Variants in HLA-DOA observed in about 807,000 individuals in gnomAD.
HLA-DOA encodes major histocompatibility complex, class II, DO alpha.
HLA-DOA carries 27 observed loss-of-function variants against 22.9 expected under a neutral mutation model. That is an observed-to-expected ratio of 1.18 (90% CI 0.87 to 1.62). The LOEUF (loss-of-function observed/expected upper bound fraction) is 1.62, where lower values mean the gene tolerates loss of function less well. HLA-DOA is among the 40% of genes most tolerant of loss of function. The pLI, the probability that HLA-DOA is intolerant of heterozygous loss-of-function variation, is 0.00. For synonymous variants in HLA-DOA, 137 were observed against 138.6 expected (o/e 0.99, Z 0.08); for missense variants, 324 against 332.4 (o/e 0.97, Z 0.20).
rs376677525 is a variant in HLA-DOA, at chr6:33,007,306, C to A, written c.613+5G>T. 1.7e-5 allele frequency: 27 copies of A among 1,612,882 alleles called. No homozygotes were observed. In the Admixed American group the frequency reaches 4.5e-4, roughly 27 times the overall value. ...AGGAGGGTGCATGGGGAGGGGGCTC[C>A]GTACCCCAATGCCTGAGGAGTGGCG... On this transcript the variant is annotated splice_donor_5th_base_variant and intron_variant, in intron 3 of 4. Transcript: ENST00000229829.
rs767353401 is a variant in HLA-DOA at position 33,007,177 on chromosome 6, T to C, written c.652A>G (p.Thr218Ala). 6.2e-7 allele frequency: 1 copy of C among 1,613,412 alleles called. No individual in the cohort carries two copies. Among genetic ancestry groups the C allele is most frequent in the Non-Finnish European group, 8.5e-7 (1 of 1,179,936 alleles). Residue 218 changes from threonine to alanine, a missense_variant, in exon 4 of 5, where the codon ACC becomes GCC. By Grantham distance (58) the Thr-to-Ala change is moderately conservative (BLOSUM62 0). Coordinates refer to ENST00000229829, the MANE Select transcript of HLA-DOA (RefSeq NM_002119.4). ...GCCAGGCCCAGGGCACAGACCAGGG[T>C]CTCCATGGCATCTGGTGGTGGAATA... The part of the protein sequence containing the change: ...VPIPPPDAME[T>A]LVCALGLAIG...
At position 33,005,934 on chromosome 6, in the gene HLA-DOA, G is replaced by A. The variant is rs1484379428; in HGVS notation, c.*904C>T. ...GCAGTTCTTATGTGCATTCTGGTTT[G>A]AAAACCGTAATCTGTATTGCTCATT... On this transcript the variant is annotated 3_prime_UTR_variant, in exon 5 of 5. Transcript: ENST00000229829. The A allele has an allele frequency of 1.3e-5, 2 of 152,232 alleles. No homozygotes were observed. The highest frequency in any genetic ancestry group is 1.5e-5 in the Non-Finnish European group (1 of 68,048). The allele number at this position is 152,232 out of a possible 1,614,324, so 9.4% of individuals were successfully genotyped here.
chr6:33,007,393 C>A lies in HLA-DOA; in HGVS notation c.531G>T (p.Leu177=). The part of the protein sequence containing the change: ...PDHLFRKFHY[L]PFVPSAEDVY... ...CGTCCTCGGCTGAGGGCACGAAGGG[C>A]AGGTAGTGGAACTTGCGGAACAAAT... Residue 177 remains leucine, a synonymous_variant, in exon 3 of 5, where the codon CTG becomes CTT. Transcript: ENST00000229829. 2 of 1,604,818 alleles carry A rather than the reference C, an allele frequency of 1.2e-6. No individual in the cohort carries two copies. The highest frequency in any genetic ancestry group is 1.1e-5 in the South Asian group (1 of 89,868).
Position 33,009,022 on chromosome 6 carries a change from T to C in HLA-DOA, c.82+433A>G, listed in dbSNP as rs1780949006. Among the ~76,000 whole-genome samples the C allele has an allele frequency of 6.6e-6, 1 of 152,188 alleles. No homozygotes were observed. The highest frequency in any genetic ancestry group is 1.5e-5 in the Non-Finnish European group (1 of 68,038). ...AAAGAAAAAAAAGATGAACCATCTG[T>C]AGACCCGCACCCCAGCTCATGTCTC... On this transcript the variant is annotated intron_variant, in intron 1 of 4. Coordinates refer to ENST00000229829, the MANE Select transcript of HLA-DOA (RefSeq NM_002119.4). This position sits in a 1 kb window ranked among gnomAD's most constrained non-coding sequence, Gnocchi z 4.8.
chr6:33,007,910 C>G (rs552464180), intron 2 of HLA-DOA, 103 bp downstream of exon 2: 2 of 1,409,474 alleles, frequency 1.4e-6, no homozygotes, highest in South Asian at 2.8e-5. Flanking sequence ...ATGACAGGCG[C>G]GGGCGCTGAG....
Position 33,008,111 on chromosome 6 carries a change from G to T in HLA-DOA, c.233C>A (p.Ala78Asp), listed in dbSNP as rs1406650178. The T allele has an allele frequency of 4.3e-6, 7 of 1,613,090 alleles. No individual in the cohort carries two copies. The highest frequency in any genetic ancestry group is 1.1e-5 in the South Asian group (1 of 91,090). The change falls in exon 2 of 5, where the codon GCC becomes GAC. Residue 78 changes from alanine to aspartate, a missense_variant. Coordinates refer to ENST00000229829, the MANE Select transcript of HLA-DOA (RefSeq NM_002119.4). ...VWRLPEFGDF[A>D]RFDPQGGLAG... Reference sequence around the variant, plus strand: ...CAGCCCGCCCTGCGGGTCAAAGCGGGCAAAGTCACCAAACTCAGGCAGACG... The same window carrying T: ...CAGCCCGCCCTGCGGGTCAAAGCGGTCAAAGTCACCAAACTCAGGCAGACG...
chr6:33,007,342 C>G lies in HLA-DOA; in HGVS notation c.582G>C (p.Trp194Cys). Residue 194 changes from tryptophan to cysteine, a missense_variant, in exon 3 of 5, where the codon TGG (tryptophan) becomes TGC (cysteine). Transcript: ENST00000229829. The stretch of plus-strand genomic sequence containing the variant: ...GCCTGAGGAGTGGCGCATCCAGGCC[C>G]CAGTGCTCCACCTGGCAGTCATAGA... The part of the protein sequence containing the change: ...EDVYDCQVEH[W>C]GLDAPLLRHW... 6.2e-7 allele frequency: 1 copy of G among 1,611,514 alleles called. No homozygotes were observed. The highest frequency in any genetic ancestry group is 1.1e-5 in the South Asian group (1 of 90,984).
chr6:33,006,554 A>T lies in HLA-DOA; in HGVS notation c.*284T>A. 3 of 588,912 alleles carry T rather than the reference A, an allele frequency of 5.1e-6. No individual in the cohort carries two copies. In the South Asian group the frequency reaches 6.1e-5, roughly 12 times the overall value. The allele number at this position is 588,912 out of a possible 1,614,324, so 36.5% of individuals were successfully genotyped here. ...AAGAACTGGCCAAGGCCTGGAAAGG[A>T]CACAGTGCAAACACCACCAAAGCAT... On this transcript the variant is annotated 3_prime_UTR_variant, in exon 5 of 5. Coordinates refer to ENST00000229829, the MANE Select transcript of HLA-DOA (RefSeq NM_002119.4).
intron 1 of HLA-DOA, chr6:33,008,466 G>A (rs1463228450): frequency 3.0e-6 from 4 of 1,354,030 alleles, no homozygotes; most frequent in African/African-American, 1.5e-5. Context: ...CACTGCAGTC[G>A]GCACAGAGAC....
rs771959094 is a variant in HLA-DOA at position 33,006,748 on chromosome 6, A to C, written c.*90T>G. ...ACTCAAAGTCAGCACAGCGGGATGC[A>C]CTTAAAGGGCACTGAGCACGCAGGG... On this transcript the variant is annotated 3_prime_UTR_variant, in exon 5 of 5. Transcript: ENST00000229829. 30 of 1,610,394 alleles carry C rather than the reference A, an allele frequency of 1.9e-5. No individual in the cohort carries two copies. The highest frequency in any genetic ancestry group is 2.3e-5 in the Non-Finnish European group (27 of 1,177,616).
In HLA-DOA at chr6:33,007,400, T is replaced by G. The variant is rs529749974; in HGVS notation, c.524A>C (p.His175Pro). 6.2e-7 allele frequency: 1 copy of G among 1,604,846 alleles called. No individual in the cohort carries two copies. The highest frequency in any genetic ancestry group is 8.5e-7 in the Non-Finnish European group (1 of 1,175,020). ...GGCTGAGGGCACGAAGGGCAGGTAG[T>G]GGAACTTGCGGAACAAATGGTCAGG... ...SQPDHLFRKF[H>P]YLPFVPSAED... is the part of the protein sequence containing the mutation. Residue 175 changes from histidine (H) to proline (P), a missense_variant, in exon 3 of 5, where the codon CAC (histidine) becomes CCC (proline). Physicochemically the swap from His to Pro is moderately conservative, Grantham distance 77. Coordinates refer to ENST00000229829, the MANE Select transcript of HLA-DOA (RefSeq NM_002119.4).
chr6:33,009,548 G>A lies in HLA-DOA; in HGVS notation c.-12C>T, dbSNP rs140784848. ...GCTCTGAGGGCCATTACACTCTGGT[G>A]CTTTAATCAAATCAGTCTCAGTCCG... On this transcript the variant is annotated 5_prime_UTR_variant, in exon 1 of 5. Transcript: ENST00000229829. The surrounding 1 kb of genome is among the most constrained non-coding windows in gnomAD (Gnocchi z 4.8). 3.7e-5 allele frequency: 58 copies of A among 1,585,200 alleles called. No individual in the cohort carries two copies. The African/African-American group carries it at 6.4e-4, about 18-fold the overall frequency.
Position 33,007,748 on chromosome 6 carries a change from G to A in HLA-DOA, c.332-156C>T. Reference sequence around the variant, plus strand: ...AGGAGAGGAGGAAAACAGAGGGAGAGGAGACTGGGGAGGGAGTGGGGACGC... The same window carrying A: ...AGGAGAGGAGGAAAACAGAGGGAGAAGAGACTGGGGAGGGAGTGGGGACGC... On this transcript the variant is annotated intron_variant, in intron 2 of 4. Transcript: ENST00000229829. 7.7e-6 allele frequency: 7 copies of A among 907,868 alleles called. No individual in the cohort carries two copies. The Middle Eastern group carries it at 1.4e-3, about 179-fold the overall frequency. The allele number at this position is 907,868 out of a possible 1,614,324, so 56.2% of individuals were successfully genotyped here. A position where few individuals can be genotyped will look rare whatever the true frequency, so the allele number is the denominator to read the frequency against.
In HLA-DOA at chr6:33,009,532, G is replaced by A. The variant is rs750371793; in HGVS notation, c.5C>T (p.Ala2Val). Residue 2 changes from alanine (A) to valine (V), a missense_variant, in exon 1 of 5, where the codon GCC (alanine) becomes GTC (valine). Coordinates refer to ENST00000229829, the MANE Select transcript of HLA-DOA (RefSeq NM_002119.4). The surrounding 1 kb of genome is among the most constrained non-coding windows in gnomAD (Gnocchi z 4.8). M[A>V]LRAGLVLGFH... ...CCCCAGGACCAGCCCTGCTCTGAGGGCCATTACACTCTGGTGCTTTAATCA... is the reference window on the plus strand; with the variant it reads ...CCCCAGGACCAGCCCTGCTCTGAGGACCATTACACTCTGGTGCTTTAATCA... 2 of 1,601,104 alleles carry A rather than the reference G, an allele frequency of 1.2e-6. No individual in the cohort carries two copies. The highest frequency in any genetic ancestry group is 1.7e-6 in the Non-Finnish European group (2 of 1,175,016).
rs1326582638 is a variant in HLA-DOA at position 33,009,562 on chromosome 6, A to G, written c.-26T>C. On this transcript the variant is annotated 5_prime_UTR_variant, in exon 1 of 5. Coordinates refer to ENST00000229829, the MANE Select transcript of HLA-DOA (RefSeq NM_002119.4). The surrounding 1 kb of genome is among the most constrained non-coding windows in gnomAD (Gnocchi z 4.8). ...TACACTCTGGTGCTTTAATCAAATC[A>G]GTCTCAGTCCGTGTGGTGAGGACAG... 1.3e-6 allele frequency: 2 copies of G among 1,548,542 alleles called. No individual in the cohort carries two copies.
In HLA-DOA at chr6:33,005,889, T is replaced by C. The variant is rs1780789968; in HGVS notation, c.*949A>G. ...AGCCACTGCACCAGGCCAATGCCTG[T>C]ACTTTTAAAAGGATCCCAAGCAGTT... On this transcript the variant is annotated 3_prime_UTR_variant, in exon 5 of 5. Transcript: ENST00000229829. 1 of 152,256 alleles carries C rather than the reference T, an allele frequency of 6.6e-6. No homozygotes were observed. Among genetic ancestry groups the C allele is most frequent in the Non-Finnish European group, 1.5e-5 (1 of 68,072 alleles). The allele number at this position is 152,256 out of a possible 1,614,324, so 9.4% of individuals were successfully genotyped here. A position where few individuals can be genotyped will look rare whatever the true frequency, so the allele number is the denominator to read the frequency against.
rs1303697801 is a variant in HLA-DOA at position 33,007,667 on chromosome 6, G to A, written c.332-75C>T. 14 of 1,500,474 alleles carry A rather than the reference G, an allele frequency of 9.3e-6. No individual in the cohort carries two copies. The East Asian group carries it at 1.1e-4, about 12-fold the overall frequency. The allele number at this position is 1,500,474 out of a possible 1,614,324, so 92.9% of individuals were successfully genotyped here. On this transcript the variant is annotated intron_variant, in intron 2 of 4. Coordinates refer to ENST00000229829, the MANE Select transcript of HLA-DOA (RefSeq NM_002119.4). ...CTTACTAGGACTGGGATTAAGGGAC[G>A]TTCCCCCTTTGTAGCCATCTGTGGG...
rs770569065 is a variant in HLA-DOA, at chr6:33,007,430, G to A, written c.494C>T (p.Ser165Phe). 7 of 1,609,068 alleles carry A rather than the reference G, an allele frequency of 4.4e-6. No individual in the cohort carries two copies. The highest frequency in any genetic ancestry group is 5.9e-6 in the Non-Finnish European group (7 of 1,177,830). Residue 165 changes from serine to phenylalanine, a missense_variant, in exon 3 of 5, where the codon TCC (serine) becomes TTC (phenylalanine). Ser to Phe is a radical substitution (Grantham distance 155). Coordinates refer to ENST00000229829, the MANE Select transcript of HLA-DOA (RefSeq NM_002119.4). ...CTTGCGGAACAAATGGTCAGGCTGGGAATAGAAGCTGGTCTGGGCCACTCC... is the reference window on the plus strand; with the variant it reads ...CTTGCGGAACAAATGGTCAGGCTGGAAATAGAAGCTGGTCTGGGCCACTCC... ...TEGVAQTSFY[S>F]QPDHLFRKFH... is the part of the protein sequence containing the mutation.
Position 33,007,375 on chromosome 6 carries a change from G to C in HLA-DOA, c.549C>G (p.Ala183=). The change falls in exon 3 of 5, where the codon GCC becomes GCG. Residue 183 remains alanine, a synonymous_variant. Coordinates refer to ENST00000229829, the MANE Select transcript of HLA-DOA (RefSeq NM_002119.4). Reference sequence around the variant, plus strand: ...CCACCTGGCAGTCATAGACGTCCTCGGCTGAGGGCACGAAGGGCAGGTAGT... The same window carrying C: ...CCACCTGGCAGTCATAGACGTCCTCCGCTGAGGGCACGAAGGGCAGGTAGT... ...KFHYLPFVPS[A]EDVYDCQVEH... 6.2e-7 allele frequency: 1 copy of C among 1,606,988 alleles called. No individual in the cohort carries two copies. The highest frequency in any genetic ancestry group is 8.5e-7 in the Non-Finnish European group (1 of 1,175,994).
Sources: gnomAD v4.1 joint callset for allele counts (sites outside exome capture counted in the v4.1 genomes callset) on GRCh38, gnomAD v4.1.1 for gene constraint, Gnocchi (gnomAD v3.1) non-coding constraint, MANE v1.5 for transcripts, NCBI Gene and HGNC (gene_info 2026-07-23, HGNC 2026-07-21) for gene names.